RACGAP1: variants seen among roughly 807,000 people sequenced by gnomAD.
RACGAP1 encodes rac GTPase-activating protein 1.
A neutral mutation model predicts 78.1 loss-of-function variants in RACGAP1; 30 were observed. The ratio of observed to expected loss-of-function variants is 0.38; its 90% CI spans 0.29 to 0.52. The LOEUF is 0.52. Among genes scored for constraint, RACGAP1 ranks in the 20% least tolerant of loss-of-function variants. RACGAP1 has a pLI of 0.82. For missense variants in RACGAP1, 587 were observed against 777.1 expected (o/e 0.76, Z 2.91); for synonymous variants, 231 against 264.8 (o/e 0.87, Z 1.24).
upstream of RACGAP1, among the ~76,000 whole-genome samples, chr12:50,028,957 C>A (rs1340452429): frequency 6.6e-6 from 1 of 152,018 alleles, no homozygotes; most frequent in Non-Finnish European, 1.5e-5. Flanking sequence ...GTGGCTCATG[C>A]CTGTATTCCC....
rs758935582 is a variant in RACGAP1 at position 49,992,291 on chromosome 12, T to C, written c.1532A>G (p.Asn511Ser). 5.6e-6 allele frequency: 9 copies of C among 1,614,186 alleles called. No individual in the cohort carries two copies. The highest frequency in any genetic ancestry group is 1.6e-4 in the Middle Eastern group (1 of 6,062). The change falls in exon 14 of 17, where the codon AAT becomes AGT. Residue 511 changes from asparagine (N) to serine (S), a missense_variant. Asn to Ser is a conservative substitution (Grantham distance 46, BLOSUM62 1). Transcript: ENST00000312377. ...CTGTAACATTGTCACTGGGTCTGGA[T>C]TGGGCACAGCATGGGCCACTATTGT... ...GPTIVAHAVPNPDPVTMLQDI... is the reference protein window; with the variant it reads ...GPTIVAHAVPSPDPVTMLQDI...
At chr12:50,005,080 T>C (rs995320941) in intron 4 of RACGAP1, among the ~76,000 whole-genome samples, 176 bp downstream of exon 4, 1 of 152,204 alleles carries the variant, frequency 6.6e-6, no homozygotes, top group Non-Finnish European at 1.5e-5. Context: ...TAAAATAAAA[T>C]AAAATATACA....
rs755376014 is a variant in RACGAP1 at position 50,006,654 on chromosome 12, C to A, written c.86-18G>T. 2.5e-6 allele frequency: 4 copies of A among 1,610,260 alleles called. No homozygotes were observed. The highest frequency in any genetic ancestry group is 4.5e-5 in the East Asian group (2 of 44,838). ...GATAAATTCTGAGGAAAGGGGGAAT[C>A]TTTAATAATTCAAGCACCAAACAGA... is the stretch of plus-strand genomic sequence containing the variant. On this transcript the variant is annotated intron_variant, in intron 2 of 16. Coordinates refer to ENST00000312377, the MANE Select transcript of RACGAP1 (RefSeq NM_001319999.2).
Position 50,001,154 on chromosome 12 carries a change from T to C in RACGAP1, c.630+18A>G. The C allele has an allele frequency of 6.4e-7, 1 of 1,554,074 alleles. No individual in the cohort carries two copies. The highest frequency in any genetic ancestry group is 8.9e-7 in the Non-Finnish European group (1 of 1,126,042). On this transcript the variant is annotated intron_variant, in intron 7 of 16. Transcript: ENST00000312377. ...TTGGGGCCAGTAATCTCTGTTACCT[T>C]GGCCTGACTATTCTTACCTGGTCTA...
chr12:50,006,064 T>C (rs1411089334), intron 3 of RACGAP1, among the ~76,000 whole-genome samples: 2 of 152,192 alleles, frequency 1.3e-5, no homozygotes, highest in Non-Finnish European at 2.9e-5. Context: ...CAGCTACTCA[T>C]GTAAGGATGG....
rs1948835394 is a variant in RACGAP1 at position 50,004,115 on chromosome 12, A to G, written c.495+120T>C. On this transcript the variant is annotated intron_variant, in intron 5 of 16. Coordinates refer to ENST00000312377, the MANE Select transcript of RACGAP1 (RefSeq NM_001319999.2). ...ATTTTAAATTGCTAGCTCAGAATCT[A>G]TAACACATCAACTAATAAAATAGTA... 1.6e-5 allele frequency: 22 copies of G among 1,379,406 alleles called. No individual in the cohort carries two copies. The South Asian group carries it at 2.5e-4, about 16-fold the overall frequency. 85.4% of individuals were successfully genotyped at this position (1,379,406 alleles called of 1,614,324 possible).
chr12:50,028,206 A>G (rs1950298180), upstream of RACGAP1, among the ~76,000 whole-genome samples: 1 of 152,224 alleles, frequency 6.6e-6, no homozygotes, highest in African/African-American at 2.4e-5. Context: ...TGGGAAAGAT[A>G]TTTATGAAAT....
Position 49,996,979 on chromosome 12 carries a change from C to T in RACGAP1, c.1044+61G>A, listed in dbSNP as rs1183396823. Reference sequence around the variant, plus strand: ...ATTAATTTTAGAACAAAAACTGACACTAAGCCTTTGAAAGGCGAATAAAGA... The same window carrying T: ...ATTAATTTTAGAACAAAAACTGACATTAAGCCTTTGAAAGGCGAATAAAGA... On this transcript the variant is annotated intron_variant, in intron 10 of 16. Transcript: ENST00000312377. 11 of 1,402,360 alleles carry T rather than the reference C, an allele frequency of 7.8e-6. 1 individual carries two copies. The South Asian group carries it at 1.5e-4, about 19-fold the overall frequency. The allele number at this position is 1,402,360 out of a possible 1,614,324, so 86.9% of individuals were successfully genotyped here.
chr12:49,997,531 C>T (rs988427377), intron 9 of RACGAP1, among the ~76,000 whole-genome samples: 12 of 152,030 alleles, frequency 7.9e-5, no homozygotes, highest in Non-Finnish European at 1.2e-4. Flanking sequence ...ACCTCGACCT[C>T]CCAAAGTGCT....
At chr12:50,017,501 A>G (rs935053107) in intron 1 of RACGAP1, among the ~76,000 whole-genome samples, 1 of 152,240 alleles carries the variant, frequency 6.6e-6, no homozygotes, top group Middle Eastern at 3.2e-3. Context: ...ATACTATAGA[A>G]AAAACAGTGT....
intron 1 of RACGAP1, among the ~76,000 whole-genome samples, chr12:50,023,003 T>C (rs1950088665): frequency 1.3e-5 from 2 of 152,246 alleles, no homozygotes; most frequent in Admixed American, 6.5e-5. Context: ...CCATCTAACA[T>C]ACTTACATAT....
At chr12:50,007,824 A>G (rs1949059097) in intron 2 of RACGAP1, among the ~76,000 whole-genome samples, 1 of 152,166 alleles carries the variant, frequency 6.6e-6, no homozygotes, top group Non-Finnish European at 1.5e-5. Context: ...GCGGATATCA[A>G]CAATTAAAAA....
rs202081087 is a variant in RACGAP1 at position 50,016,690 on chromosome 12, C to T, written c.26G>A (p.Arg9Gln). MDTMMLNV[R>Q]NLFEQLVRRV... ...GCGCACAAGCTGCTCAAACAGATTC[C>T]GCACATTCAGCATCATAGTATCCAT... The change falls in exon 2 of 17, where the codon CGG becomes CAG. Residue 9 changes from arginine to glutamine, a missense_variant. Arg to Gln is a conservative substitution (Grantham distance 43, BLOSUM62 1). Coordinates refer to ENST00000312377, the MANE Select transcript of RACGAP1 (RefSeq NM_001319999.2). 150 of 1,613,948 alleles carry T rather than the reference C, an allele frequency of 9.3e-5. No individual in the cohort carries two copies. In the African/African-American group the frequency reaches 1.4e-3, roughly 15 times the overall value.
intron 10 of RACGAP1, among the ~76,000 whole-genome samples, chr12:49,995,658 CTTAT>C (rs956163681): frequency 6.6e-6 from 1 of 152,028 alleles, no homozygotes; most frequent in Non-Finnish European, 1.5e-5. Context: ...ACCTGGCTAA[CTTAT>C]TTATTTATTC....
intron 15 of RACGAP1, 42 bp from the exon 16 acceptor site, chr12:49,990,834 G>T (rs2137205839): frequency 6.6e-7 from 1 of 1,514,574 alleles, no homozygotes; most frequent in East Asian, 2.3e-5. Flanking sequence ...TGGGAAAAAA[G>T]AAGGCATCTT....
In RACGAP1 at chr12:49,999,646, G is replaced by A; in HGVS notation, c.718C>T (p.Pro240Ser). ...TTCCTTCGGCTCCTGGTCCAATATG[G>A]CACAGTCTCAATAGTGGACACAGCT... ...IEAVSTIETV[P>S]YWTRSRRKTG... The change falls in exon 8 of 17, where the codon CCA (proline) becomes TCA (serine). Residue 240 changes from proline to serine, a missense_variant. Physicochemically the swap from Pro to Ser is moderately conservative, Grantham distance 74. Coordinates refer to ENST00000312377, the MANE Select transcript of RACGAP1 (RefSeq NM_001319999.2). 1.2e-6 allele frequency: 2 copies of A among 1,614,038 alleles called. No homozygotes were observed. The highest frequency in any genetic ancestry group is 1.7e-6 in the Non-Finnish European group (2 of 1,179,922).
At chr12:50,010,079 T>C (rs935010019) in intron 2 of RACGAP1, among the ~76,000 whole-genome samples, 1 of 152,214 alleles carries the variant, frequency 6.6e-6, no homozygotes, top group African/African-American at 2.4e-5. Flanking sequence ...ACAAACCTAG[T>C]ATGTCACTGG....
intron 2 of RACGAP1, among the ~76,000 whole-genome samples, chr12:50,011,629 TTCAAAATAAAATAA>T (rs1460772197): frequency 6.6e-6 from 1 of 151,710 alleles, no homozygotes; most frequent in Non-Finnish European, 1.5e-5. Context: ...ATAATAAAAA[TTCAAAATAAAATAA>T]TCAAAATAAA....
rs1312956594 is a variant in RACGAP1 at position 50,022,507 on chromosome 12, G to A, written c.-5+2891C>T. On this transcript the variant is annotated intron_variant, in intron 1 of 16. Coordinates refer to ENST00000312377, the MANE Select transcript of RACGAP1 (RefSeq NM_001319999.2). ...TGAGGCAGGAGAATCGCTTGAACCC[G>A]AGAGGCAGAGGTTGCAGTGACCCAA... 1.3e-5 allele frequency among the ~76,000 whole-genome samples: 2 copies of A among 152,038 alleles called. 1 individual carries two copies. Among genetic ancestry groups the A allele is most frequent in the Admixed American group, 1.3e-4 (2 of 15,268 alleles).
Sources: gnomAD v4.1 joint callset for allele counts (sites outside exome capture counted in the v4.1 genomes callset) on GRCh38, gnomAD v4.1.1 for gene constraint, MANE v1.5 for transcripts, NCBI Gene and HGNC (gene_info 2026-07-23, HGNC 2026-07-21) for gene names.